The following ACTN1 variants were observed in gnomAD, a reference collection of about 807,000 sequenced individuals.
The protein encoded by ACTN1 is actinin alpha 1, also known as alpha-actinin-1.
Under a neutral mutation model 119.6 loss-of-function variants are expected in ACTN1, and 30 were observed. The observed-to-expected ratio is 0.25, with a 90% CI of 0.19 to 0.34. The LOEUF (loss-of-function observed/expected upper bound fraction) is 0.34. ACTN1 is among the 10% of genes least tolerant of loss of function. The probability of loss-of-function intolerance (pLI) is 1.00; values close to 1 mark genes in which losing one functional copy is unlikely to be tolerated. For synonymous variants in ACTN1, 429 were observed against 472.6 expected (o/e 0.91, Z 1.20); for missense variants, 764 against 1,223.4 (o/e 0.62, Z 5.60).
At position 68,880,927 on chromosome 14, in the gene ACTN1, C is replaced by T. The variant is rs763454197; in HGVS notation, c.2016G>A (p.Arg672=). 3.1e-6 allele frequency: 5 copies of T among 1,614,104 alleles called. No homozygotes were observed. Among genetic ancestry groups the T allele is most frequent in the East Asian group, 2.2e-5 (1 of 44,880 alleles). ...AGTTGACGATGCTCTTCTCATACTG[C>T]CGCAGGTGGCTGAGCTGGTCCTCCA... The part of the protein sequence containing the change: ...GTLEDQLSHL[R]QYEKSIVNYK... Residue 672 remains arginine (R), a synonymous_variant, in exon 17 of 22, where the codon CGG becomes CGA. Transcript: ENST00000394419. This position sits in a 1 kb window ranked among gnomAD's most constrained non-coding sequence, Gnocchi z 4.6.
Position 68,885,338 on chromosome 14 carries a change from C to A in ACTN1, c.1385+87G>T. 1 of 1,478,292 alleles carries A rather than the reference C, an allele frequency of 6.8e-7. No homozygotes were observed. 91.6% of individuals were successfully genotyped at this position (1,478,292 alleles called of 1,614,324 possible). A position where few individuals can be genotyped will look rare whatever the true frequency, so the allele number is the denominator to read the frequency against. On this transcript the variant is annotated intron_variant, in intron 12 of 21. Coordinates refer to ENST00000394419, the MANE Select transcript of ACTN1 (RefSeq NM_001130004.2). This position sits in a 1 kb window ranked among gnomAD's most constrained non-coding sequence, Gnocchi z 5.6. ...ACCTGTACCCACCCTCCCCATCTTC[C>A]ACGGCCACACCCCCACCTCCCCCAG...
chr14:68,899,418 CCA>C (rs2140216356), intron 8 of ACTN1, among the ~76,000 whole-genome samples: 1 of 150,736 alleles, frequency 6.6e-6, no homozygotes, highest in Non-Finnish European at 1.5e-5. Flanking sequence ...CCCTTCCACA[CCA>C]CATTCCCCAC....
intron 9 of ACTN1, among the ~76,000 whole-genome samples, chr14:68,892,565 T>C (rs1462836362): frequency 1.3e-5 from 2 of 152,142 alleles, no homozygotes; most frequent in Non-Finnish European, 2.9e-5. Context: ...ATAGACCTGG[T>C]GTGAAGTTAG....
chr14:68,888,064 G>A, intron 11 of ACTN1: 2 of 715,986 alleles, frequency 2.8e-6, no homozygotes, highest in East Asian at 2.7e-5. Context: ...CTTCAGCAGA[G>A]CTGACCTTCC....
intron 11 of ACTN1, among the ~76,000 whole-genome samples, chr14:68,889,062 T>A (rs1046559738): frequency 2.0e-5 from 3 of 152,182 alleles, no homozygotes; most frequent in Non-Finnish European, 4.4e-5. Flanking sequence ...CGCCGGCCAA[T>A]AGGTCTGTCC....
Position 68,879,768 on chromosome 14 carries a change from A to C in ACTN1, c.2280+194T>G. 5 of 647,974 alleles carry C rather than the reference A, an allele frequency of 7.7e-6. No individual in the cohort carries two copies. The highest frequency in any genetic ancestry group is 1.3e-5 in the Non-Finnish European group (5 of 392,252). The allele number at this position is 647,974 out of a possible 1,614,324, so 40.1% of individuals were successfully genotyped here. ...AACACTCTCTCCCGGAAAGCAGGGA[A>C]GCTTATGGGGCACCAACACAGGTTT... On this transcript the variant is annotated intron_variant, in intron 18 of 21. Coordinates refer to ENST00000394419, the MANE Select transcript of ACTN1 (RefSeq NM_001130004.2). The surrounding 1 kb of genome is among the most constrained non-coding windows in gnomAD (Gnocchi z 4.9).
At chr14:68,888,698 G>A (rs1429214417) in intron 11 of ACTN1, among the ~76,000 whole-genome samples, 1 of 152,154 alleles carries the variant, frequency 6.6e-6, no homozygotes, top group African/African-American at 2.4e-5. Flanking sequence ...ATTACCACCT[G>A]AGCTCCGCCT....
At chr14:68,951,222 G>A (rs747540757) in intron 1 of ACTN1, among the ~76,000 whole-genome samples, 4 of 152,164 alleles carry the variant, frequency 2.6e-5, no homozygotes, top group Non-Finnish European at 5.9e-5. Flanking sequence ...TGGTTTCCCC[G>A]GAAGGAAGTG....
intron 3 of ACTN1, among the ~76,000 whole-genome samples, chr14:68,916,784 G>A (rs1159493384): frequency 6.6e-6 from 1 of 152,172 alleles, no homozygotes; most frequent in Non-Finnish European, 1.5e-5. Flanking sequence ...GACCTTCTTG[G>A]TCTACAGCGA....
intron 11 of ACTN1, among the ~76,000 whole-genome samples, chr14:68,888,417 A>T (rs1339441841): frequency 6.6e-6 from 1 of 152,126 alleles, no homozygotes. Context: ...TGCAATCCCC[A>T]CTGTGCCTCC....
chr14:68,875,272 A>C (rs1336124754), intron 21 of ACTN1: 3 of 933,602 alleles, frequency 3.2e-6, no homozygotes, highest in Non-Finnish European at 4.7e-6. Context: ...ATCTAATTCC[A>C]TGTGCCAATT....
In ACTN1 at chr14:68,978,883, G is replaced by A. The variant is rs2037165183; in HGVS notation, c.105+69C>T. ...GTTCAGAGCCCGGAGCCGAGAGCCCGGCAGGCAGAGCGGGTCGGGGCTGGG... is the reference window on the plus strand; with the variant it reads ...GTTCAGAGCCCGGAGCCGAGAGCCCAGCAGGCAGAGCGGGTCGGGGCTGGG... On this transcript the variant is annotated intron_variant, in intron 1 of 21. Transcript: ENST00000394419. 4.4e-6 allele frequency: 5 copies of A among 1,142,894 alleles called. No individual in the cohort carries two copies. In the Admixed American group the frequency reaches 7.3e-5, roughly 17 times the overall value. The allele number at this position is 1,142,894 out of a possible 1,614,324, so 70.8% of individuals were successfully genotyped here. A position where few individuals can be genotyped will look rare whatever the true frequency, so the allele number is the denominator to read the frequency against.
intron 1 of ACTN1, among the ~76,000 whole-genome samples, chr14:68,971,335 CTGGT>C (rs542585626): frequency 1.3e-5 from 2 of 152,222 alleles, no homozygotes; most frequent in Non-Finnish European, 2.9e-5. Context: ...TTAATAAGTA[CTGGT>C]TGGTTGGTTG....
At chr14:68,912,410 G>C (rs1157724609) in intron 3 of ACTN1, among the ~76,000 whole-genome samples, 168 bp from the exon 4 acceptor site, 1 of 152,050 alleles carries the variant, frequency 6.6e-6, no homozygotes, top group Non-Finnish European at 1.5e-5. Context: ...CAGGGTTTTC[G>C]CTCTGTCACC....
At chr14:68,919,132 T>A (rs2034501762) in intron 3 of ACTN1, among the ~76,000 whole-genome samples, 1 of 152,264 alleles carries the variant, frequency 6.6e-6, no homozygotes, top group Admixed American at 6.5e-5. Flanking sequence ...GTTATTTTTT[T>A]AAATTTAGTT....
At chr14:68,955,454 C>T (rs550008022) in intron 1 of ACTN1, among the ~76,000 whole-genome samples, 1 of 152,348 alleles carries the variant, frequency 6.6e-6, no homozygotes, top group Non-Finnish European at 1.5e-5. Flanking sequence ...ACCCAGACAA[C>T]AGTCCACAGT....
intron 1 of ACTN1, among the ~76,000 whole-genome samples, chr14:68,951,545 G>A (rs996043745): frequency 6.6e-5 from 10 of 152,186 alleles, no homozygotes; most frequent in Middle Eastern, 3.2e-3. Context: ...TGGTCCTGAC[G>A]TTCCCGCTGA....
At chr14:68,927,022 T>G (rs1324589109) in intron 1 of ACTN1, among the ~76,000 whole-genome samples, 1 of 152,134 alleles carries the variant, frequency 6.6e-6, no homozygotes, top group Admixed American at 6.5e-5. Context: ...ACTAGTAACT[T>G]ACCAATATGG....
At chr14:68,897,343 T>C (rs1321090368) in intron 8 of ACTN1, among the ~76,000 whole-genome samples, 3 of 152,246 alleles carry the variant, frequency 2.0e-5, no homozygotes, top group South Asian at 2.1e-4. Context: ...ACTTAACATA[T>C]ACACTTTGTT....
Sources: allele counts gnomAD v4.1 joint callset (sites outside exome capture counted in the v4.1 genomes callset), GRCh38; gene constraint gnomAD v4.1.1; non-coding constraint Gnocchi (gnomAD v3.1); transcripts MANE v1.5; gene names NCBI Gene and HGNC (gene_info 2026-07-23, HGNC 2026-07-21).